The following CTNNA3 variants were observed in gnomAD, a reference collection of about 807,000 sequenced individuals.
CTNNA3 encodes catenin alpha-3.
Under a neutral mutation model 95.7 loss-of-function variants are expected in CTNNA3, and 76 were observed. That is an observed-to-expected ratio of 0.79 (90% CI 0.66 to 0.96). The LOEUF (loss-of-function observed/expected upper bound fraction) is 0.96, where lower values mean the gene tolerates loss of function less well. Ranked by LOEUF, CTNNA3 falls within the 40% of genes least tolerant of loss-of-function variation. The pLI is 0.00. For missense variants in CTNNA3, 1,191 were observed against 1,089.8 expected, an observed-to-expected ratio of 1.09 and a Z score of -1.31; for synonymous variants, 431 against 374.4, an observed-to-expected ratio of 1.15 and a Z score of -1.74.
chr10:67,717,847 C>A (rs1841153475), intron 1 of CTNNA3, among the ~76,000 whole-genome samples: 1 of 152,032 alleles, frequency 6.6e-6, no homozygotes, highest in Non-Finnish European at 1.5e-5. Flanking sequence ...TTTTCTAATT[C>A]TATGAAGAAA....
intron 7 of CTNNA3, among the ~76,000 whole-genome samples, chr10:66,847,302 G>A (rs1188469715): frequency 6.6e-6 from 1 of 152,122 alleles, no homozygotes. Context: ...TCTTTTCAGG[G>A]CTATATCTAT....
chr10:67,026,835 C>T (rs1292769913), intron 7 of CTNNA3, among the ~76,000 whole-genome samples: 1 of 152,114 alleles, frequency 6.6e-6, no homozygotes, highest in Non-Finnish European at 1.5e-5. Flanking sequence ...TAAAAGAGTT[C>T]AGAAACCTAA....
intron 6 of CTNNA3, among the ~76,000 whole-genome samples, chr10:67,214,933 T>C (rs74142436): frequency 0.042 from 6,378 of 152,054 alleles, 166 homozygotes; most frequent in South Asian, 0.088. Flanking sequence ...AAAGACACCT[T>C]GCTTGGGATT....
intron 7 of CTNNA3, among the ~76,000 whole-genome samples, chr10:66,865,125 A>G (rs577364898): frequency 3.2e-4 from 49 of 152,180 alleles, no homozygotes; most frequent in African/African-American, 1.1e-3. Context: ...CTTATAAAAT[A>G]CAGATATTGA....
rs188633693 is a variant in CTNNA3 at position 67,672,232 on chromosome 10, T to A, written c.-6+23768A>T. 2.6e-5 allele frequency among the ~76,000 whole-genome samples: 4 copies of A among 152,312 alleles called. No homozygotes were observed. In the East Asian group the frequency reaches 5.8e-4, roughly 22 times the overall value. ...TTTGTTTTTTTCTTGTAAATTTGTT[T>A]GAGTTCATTGTAGATTCTGGGTATT... On this transcript the variant is annotated intron_variant, in intron 1 of 17. Transcript: ENST00000433211.
intron 15 of CTNNA3, among the ~76,000 whole-genome samples, chr10:66,017,048 G>A (rs2079107910): frequency 6.6e-6 from 1 of 151,876 alleles, no homozygotes; most frequent in African/African-American, 2.4e-5. Context: ...ATACAATAAA[G>A]TTCACCATAT....
chr10:66,345,200 G>A (rs1452794372), intron 12 of CTNNA3, among the ~76,000 whole-genome samples: 1 of 151,934 alleles, frequency 6.6e-6, no homozygotes, highest in Non-Finnish European at 1.5e-5. Flanking sequence ...AATATGTGAT[G>A]GGAACAAAGC....
chr10:66,245,034 C>T (rs972920750), intron 13 of CTNNA3, among the ~76,000 whole-genome samples: 2 of 152,152 alleles, frequency 1.3e-5, no homozygotes, highest in African/African-American at 4.8e-5. Flanking sequence ...GCTCATTCTT[C>T]CCACCCTGCC....
At chr10:66,202,934 G>A (rs1054805992) in intron 13 of CTNNA3, among the ~76,000 whole-genome samples, 1 of 152,152 alleles carries the variant, frequency 6.6e-6, no homozygotes, top group Non-Finnish European at 1.5e-5. Context: ...AATTTAGCAA[G>A]GTTTCCTCCT....
rs201968855 is a variant in CTNNA3 at position 67,264,018 on chromosome 10, T to TA, written c.580-44149dup. ...GTGTGTATCTGAAAGAAAGTTTCTT[T>TA]AAAAAAAAAAGGGTAACATTTGAAC... On this transcript the variant is annotated intron_variant, in intron 5 of 17. Coordinates refer to ENST00000433211, the MANE Select transcript of CTNNA3 (RefSeq NM_013266.4). 8.4e-3 allele frequency among the ~76,000 whole-genome samples: 1,235 copies of TA among 147,742 alleles called. 40 individuals carry two copies. In the South Asian group the frequency reaches 0.095, roughly 11 times the overall value.
intron 7 of CTNNA3, among the ~76,000 whole-genome samples, chr10:66,788,973 T>C (rs1364634188): frequency 3.3e-5 from 5 of 152,202 alleles, no homozygotes; most frequent in Admixed American, 6.5e-5. Context: ...AGGTACTTGA[T>C]GGATTTTTTA....
chr10:66,315,488 C>T (rs963387993), intron 12 of CTNNA3, among the ~76,000 whole-genome samples: 2 of 147,748 alleles, frequency 1.4e-5, no homozygotes, highest in Non-Finnish European at 3.0e-5. Context: ...GCAAGGGGCT[C>T]TAAAAATCTG....
intron 4 of CTNNA3, among the ~76,000 whole-genome samples, chr10:67,526,948 G>T (rs140574510): frequency 6.6e-6 from 1 of 152,130 alleles, no homozygotes; most frequent in Non-Finnish European, 1.5e-5. Flanking sequence ...GAAAAATGAC[G>T]AAATCATTGA....
intron 7 of CTNNA3, among the ~76,000 whole-genome samples, chr10:66,905,869 G>A (rs2132542400): frequency 6.6e-6 from 1 of 152,254 alleles, no homozygotes; most frequent in South Asian, 2.1e-4. Context: ...TAGCTATAAA[G>A]ATTCATTTAT....
intron 7 of CTNNA3, among the ~76,000 whole-genome samples, chr10:67,142,610 C>T (rs1329625992): frequency 1.3e-5 from 2 of 152,034 alleles, no homozygotes; most frequent in East Asian, 3.9e-4. Flanking sequence ...GAGCATTATG[C>T]TAAAAAAAAT....
intron 1 of CTNNA3, among the ~76,000 whole-genome samples, chr10:67,726,439 A>ATATC (rs1554879501): frequency 1.9e-5 from 1 of 53,168 alleles, no homozygotes; most frequent in Non-Finnish European, 2.9e-5. Flanking sequence ...TATCATATAT[A>ATATC]ATATATAATA....
At chr10:66,240,618 G>A (rs2090062270) in intron 13 of CTNNA3, among the ~76,000 whole-genome samples, 1 of 151,934 alleles carries the variant, frequency 6.6e-6, no homozygotes, top group South Asian at 2.1e-4. Context: ...TAAAAATAGA[G>A]ATTGGGAGCA....
intron 15 of CTNNA3, among the ~76,000 whole-genome samples, chr10:66,030,909 G>C (rs556823227): frequency 6.6e-6 from 1 of 152,068 alleles, no homozygotes; most frequent in African/African-American, 2.4e-5. Context: ...CTTCTCAAAA[G>C]AAGATAGTCA....
intron 17 of CTNNA3, among the ~76,000 whole-genome samples, chr10:65,923,990 A>G (rs1264405814): frequency 6.6e-6 from 1 of 152,110 alleles, no homozygotes; most frequent in Non-Finnish European, 1.5e-5. Flanking sequence ...ATCACAAACA[A>G]TGCCAATTCA....
Sources: allele counts gnomAD v4.1 joint callset (sites outside exome capture counted in the v4.1 genomes callset), GRCh38; gene constraint gnomAD v4.1.1; transcripts MANE v1.5; gene names NCBI Gene and HGNC (gene_info 2026-07-23, HGNC 2026-07-21).